Variants in MYO6 observed in about 807,000 individuals in gnomAD.
The protein encoded by MYO6 is unconventional myosin-VI.
In MYO6, 74 loss-of-function variants were observed where a neutral mutation model predicts 178.7. The ratio of observed to expected loss-of-function variants is 0.41; its 90% CI spans 0.34 to 0.50. MYO6 has a LOEUF of 0.50. MYO6 is among the 20% of genes least tolerant of loss of function. The pLI, the probability that MYO6 is intolerant of heterozygous loss-of-function variation, is 0.09. For synonymous variants in MYO6, 477 were observed against 504.6 expected (o/e 0.95, Z 0.73); for missense variants, 1,330 against 1,547.4 (o/e 0.86, Z 2.36).
At chr6:75,885,735 C>T (rs565852985) in intron 23 of MYO6, among the ~76,000 whole-genome samples, 93 of 152,162 alleles carry the variant, frequency 6.1e-4, no homozygotes, top group African/African-American at 2.2e-3. Flanking sequence ...CGTGAGCCAC[C>T]GCGCCCGGCC....
intron 30 of MYO6, among the ~76,000 whole-genome samples, chr6:75,905,805 A>G (rs1780268388): frequency 6.6e-6 from 1 of 152,252 alleles, no homozygotes; most frequent in African/African-American, 2.4e-5. Context: ...AAGAATTTTA[A>G]GTATGTAGGA....
In MYO6 at chr6:75,918,457, T is replaced by C. The variant is rs1002296455; in HGVS notation, c.*3445T>C. On this transcript the variant is annotated 3_prime_UTR_variant, in exon 35 of 35. Transcript: ENST00000369977. ...CCTAGATCTCTACGAAATTTTAGAATGAATAATGTGTAATTTATAGGATCA... is the reference window on the plus strand; with the variant it reads ...CCTAGATCTCTACGAAATTTTAGAACGAATAATGTGTAATTTATAGGATCA... The C allele has an allele frequency of 1.9e-4, 29 of 152,326 alleles. No individual in the cohort carries two copies. The highest frequency in any genetic ancestry group is 7.0e-4 in the African/African-American group (29 of 41,580). The allele number at this position is 152,326 out of a possible 1,614,324, so 9.4% of individuals were successfully genotyped here.
At chr6:75,859,405 T>G (rs1022904737) in intron 14 of MYO6, among the ~76,000 whole-genome samples, 18 of 151,816 alleles carry the variant, frequency 1.2e-4, no homozygotes, top group Non-Finnish European at 2.1e-4. Flanking sequence ...GTTCAAGCGA[T>G]TCTCCTGCCT....
At chr6:75,759,169 C>A (rs767934067) in intron 1 of MYO6, among the ~76,000 whole-genome samples, 22 of 152,050 alleles carry the variant, frequency 1.4e-4, no homozygotes, top group Non-Finnish European at 2.8e-4. Context: ...AGCGCCCGGC[C>A]GTTTCTATAG....
chr6:75,867,210 G>A, intron 18 of MYO6, 105 bp downstream of exon 18: 1 of 936,718 alleles, frequency 1.1e-6, no homozygotes, highest in Non-Finnish European at 1.6e-6. Context: ...TCACAGTGAA[G>A]TTCAAGAGCA....
chr6:75,904,294 G>T (rs1255575852), intron 30 of MYO6, among the ~76,000 whole-genome samples: 2 of 150,880 alleles, frequency 1.3e-5, no homozygotes, highest in Non-Finnish European at 3.0e-5. Flanking sequence ...GATTGGGTAA[G>T]TTCTCCTGGA....
intron 25 of MYO6, 27 bp from the exon 26 acceptor site, chr6:75,890,030 C>T (rs376438863): frequency 4.4e-5 from 65 of 1,484,404 alleles, no homozygotes; most frequent in Non-Finnish European, 5.3e-5. Flanking sequence ...TAAGCTTTTA[C>T]GTACCTATTT....
chr6:75,765,170 C>CTTTTTT (rs71002762), intron 1 of MYO6, among the ~76,000 whole-genome samples: 22 of 57,690 alleles, frequency 3.8e-4, no homozygotes, highest in Non-Finnish European at 3.5e-4. Flanking sequence ...AAAAAAAAAG[C>CTTTTTT]TTTTTTTTTT....
At chr6:75,767,215 C>G (rs144347597) in intron 1 of MYO6, among the ~76,000 whole-genome samples, 1 of 151,840 alleles carries the variant, frequency 6.6e-6, no homozygotes, top group African/African-American at 2.4e-5. Context: ...TTAGTAGAGA[C>G]GAGTTTTACC....
At chr6:75,794,004 TAGA>T (rs571135241) in intron 1 of MYO6, among the ~76,000 whole-genome samples, 106 of 151,694 alleles carry the variant, frequency 7.0e-4, no homozygotes, top group Non-Finnish European at 1.3e-3. Flanking sequence ...AAAAAAGCAA[TAGA>T]AGGAGAAAAG....
chr6:75,875,635 G>A (rs756826848), intron 20 of MYO6, among the ~76,000 whole-genome samples: 3 of 152,204 alleles, frequency 2.0e-5, no homozygotes, highest in Admixed American at 6.5e-5. Context: ...TATGTGGCTA[G>A]TCCCGCTGTA....
intron 7 of MYO6, among the ~76,000 whole-genome samples, chr6:75,840,159 A>ATTTTTT (rs71002767): frequency 7.6e-6 from 1 of 131,884 alleles, no homozygotes; most frequent in Non-Finnish European, 1.6e-5. Context: ...CTTCATGTTA[A>ATTTTTT]TTTTTTTTTT....
At chr6:75,840,499 T>A in intron 7 of MYO6, 86 bp from the exon 8 acceptor site, 1 of 895,836 alleles carries the variant, frequency 1.1e-6, no homozygotes, top group Non-Finnish European at 1.9e-6. Context: ...TCTAGACATA[T>A]ATATTAACAA....
intron 1 of MYO6, among the ~76,000 whole-genome samples, chr6:75,754,659 T>A (rs1777196201): frequency 6.6e-6 from 1 of 151,810 alleles, no homozygotes; most frequent in South Asian, 2.1e-4. Context: ...GAGGGCCCAC[T>A]GTGTTTTAGA....
chr6:75,818,125 G>GT (rs968412276), intron 2 of MYO6, among the ~76,000 whole-genome samples: 2 of 152,078 alleles, frequency 1.3e-5, no homozygotes, highest in Non-Finnish European at 2.9e-5. Flanking sequence ...TTTTTTTAAA[G>GT]TTTTTTGTTC....
intron 30 of MYO6, 63 bp from the exon 31 acceptor site, chr6:75,907,542 T>C (rs1581993155): frequency 1.5e-6 from 2 of 1,308,086 alleles, no homozygotes; most frequent in Non-Finnish European, 1.1e-6. Context: ...CTTTCTTGCC[T>C]CTTTAGTCAA....
Position 75,859,010 on chromosome 6 carries a change from G to A in MYO6, c.1473+17G>A, listed in dbSNP as rs780934273. The A allele has an allele frequency of 3.4e-6, 5 of 1,478,116 alleles. No homozygotes were observed. The highest frequency in any genetic ancestry group is 1.7e-4 in the Middle Eastern group (1 of 5,794). 91.6% of individuals were successfully genotyped at this position (1,478,116 alleles called of 1,614,324 possible). On this transcript the variant is annotated intron_variant, in intron 14 of 34. Transcript: ENST00000369977. ...CTGAAGGAGGTAATTGCCATTATAA[G>A]TTTAATTTAAGATCTGCATAAAGCT...
At chr6:75,750,531 A>AT (rs530813379) in intron 1 of MYO6, among the ~76,000 whole-genome samples, 9,331 of 134,268 alleles carry the variant, frequency 0.069, 489 homozygotes, top group African/African-American at 0.16. Context: ...AATAAGCCTC[A>AT]TTTTTTTTTT....
In MYO6 at chr6:75,771,021, CT is replaced by C. The variant is rs1340182133; in HGVS notation, c.-48+21599del. Among the ~76,000 whole-genome samples, 25 of 149,726 alleles carry C rather than the reference CT, an allele frequency of 1.7e-4. 1 individual carries two copies. The East Asian group carries it at 4.9e-3, about 29-fold the overall frequency. ...TTTTTTCTTTTTTTTTTTTTCCCCC[CT>C]GAGATGGTCTCACTTTGTTGCTTAG... On this transcript the variant is annotated intron_variant, in intron 1 of 34. Transcript: ENST00000369977.
Sources: gnomAD v4.1 joint callset for allele counts (sites outside exome capture counted in the v4.1 genomes callset) on GRCh38, gnomAD v4.1.1 for gene constraint, MANE v1.5 for transcripts, NCBI Gene and HGNC (gene_info 2026-07-23, HGNC 2026-07-21) for gene names.